Variants in TIAM2 observed in about 807,000 individuals in gnomAD.
TIAM2 encodes TIAM Rac1 associated GEF 2.
Under a neutral mutation model 152.9 loss-of-function variants are expected in TIAM2, and 80 were observed. That is an observed-to-expected ratio of 0.52 (90% confidence interval 0.44 to 0.63). The LOEUF is 0.63. TIAM2 is among the 30% of genes least tolerant of loss of function. The pLI, the probability that TIAM2 is intolerant of heterozygous loss-of-function variation, is 0.00. For synonymous variants in TIAM2, 804 were observed against 838.0 expected (o/e 0.96, Z 0.70); for missense variants, 1,965 against 2,120.1 (o/e 0.93, Z 1.44).
intron 1 of TIAM2, among the ~76,000 whole-genome samples, chr6:155,030,611 C>G (rs1314643293): frequency 2.6e-5 from 4 of 152,070 alleles, no homozygotes; most frequent in African/African-American, 4.8e-5. Context: ...GCTTGCCAAT[C>G]CATGATTTGA....
At chr6:155,055,194 C>T (rs17085896) in intron 1 of TIAM2, among the ~76,000 whole-genome samples, 35,627 of 151,948 alleles carry the variant, frequency 0.23, 4,247 homozygotes, top group African/African-American at 0.27. Flanking sequence ...TTCTGGGCCA[C>T]GTATATTTTC....
intron 16 of TIAM2, 85 bp from the exon 17 acceptor site, chr6:155,243,926 G>A: frequency 2.1e-6 from 2 of 963,346 alleles, no homozygotes; most frequent in African/African-American, 1.6e-5. Context: ...AGCCTTGGGA[G>A]CTGCTGCCAG....
intron 7 of TIAM2, among the ~76,000 whole-genome samples, chr6:155,158,623 C>T (rs925611694): frequency 2.6e-5 from 4 of 151,432 alleles, no homozygotes; most frequent in South Asian, 2.1e-4. Flanking sequence ...GGCCCTGTCT[C>T]GGCTCACTGC....
Position 155,028,329 on chromosome 6 carries a change from CATATA to C in TIAM2, c.-209+32843_-209+32847del, listed in dbSNP as rs1052871582. 6.5e-5 allele frequency among the ~76,000 whole-genome samples: 6 copies of C among 92,582 alleles called. 1 individual carries two copies. Among genetic ancestry groups the C allele is most frequent in the Non-Finnish European group, 1.2e-4 (6 of 50,648 alleles). 60.7% of individuals were successfully genotyped at this position (92,582 alleles called of 152,430 possible). Reference sequence around the variant, plus strand: ...TATGTACTGTGTTACATATATACTACATATAATATATACTGTGTTACATATATACT... The same window carrying C: ...TATGTACTGTGTTACATATATACTACATATATACTGTGTTACATATATACT... On this transcript the variant is annotated intron_variant, in intron 1 of 26. Transcript: ENST00000682666.
chr6:155,066,169 AAGGGCCTTTG>A, intron 1 of TIAM2, among the ~76,000 whole-genome samples: 1 of 39,922 alleles, frequency 2.5e-5, no homozygotes, highest in Non-Finnish European at 6.4e-5. Context: ...CCTGTTCCCA[AAGGGCCTTTG>A]GCCTCCCAAA....
Position 155,172,110 on chromosome 6 carries a change from T to C in TIAM2, c.2362-4706T>C, listed in dbSNP as rs554932597. On this transcript the variant is annotated intron_variant, in intron 9 of 26. Coordinates refer to ENST00000682666, the MANE Select transcript of TIAM2 (RefSeq NM_012454.4). ...ACATGTGGTTTCAGGACCATTGATG[T>C]AATAATAATAATAATAAATACTTCT... Among the ~76,000 whole-genome samples, 11 of 152,054 alleles carry C rather than the reference T, an allele frequency of 7.2e-5. No individual in the cohort carries two copies. In the South Asian group the frequency reaches 2.3e-3, roughly 32 times the overall value.
intron 1 of TIAM2, among the ~76,000 whole-genome samples, chr6:155,089,516 T>C (rs1778251571): frequency 6.6e-6 from 1 of 152,174 alleles, no homozygotes; most frequent in Non-Finnish European, 1.5e-5. Context: ...CTCATCTGTT[T>C]AATAAGTTAT....
chr6:155,059,099 G>A (rs1777511148), intron 1 of TIAM2, among the ~76,000 whole-genome samples: 2 of 152,212 alleles, frequency 1.3e-5, no homozygotes, highest in Middle Eastern at 3.4e-3. Context: ...ATACTATTTG[G>A]ACTTTCCCCA....
At chr6:155,024,823 G>A (rs1160837322) in intron 1 of TIAM2, among the ~76,000 whole-genome samples, 1 of 152,110 alleles carries the variant, frequency 6.6e-6, no homozygotes, top group Non-Finnish European at 1.5e-5. Flanking sequence ...TTCGAAATTA[G>A]GATCACAGCT....
chr6:155,018,579 A>G (rs1251396658), intron 1 of TIAM2, among the ~76,000 whole-genome samples: 1 of 151,132 alleles, frequency 6.6e-6, no homozygotes, highest in African/African-American at 2.4e-5. Context: ...AGGTTGTGCC[A>G]CTGCACTGCA....
intron 15 of TIAM2, among the ~76,000 whole-genome samples, chr6:155,230,234 C>T (rs1250912401): frequency 6.6e-6 from 1 of 152,246 alleles, no homozygotes; most frequent in Admixed American, 6.5e-5. Context: ...AAGTTCACCA[C>T]CTCATGCCCC....
chr6:155,090,836 T>G (rs1324977180), intron 2 of TIAM2, among the ~76,000 whole-genome samples: 1 of 152,144 alleles, frequency 6.6e-6, no homozygotes, highest in Non-Finnish European at 1.5e-5. Flanking sequence ...ACGGGGATTT[T>G]AGGAAGCCAC....
intron 1 of TIAM2, among the ~76,000 whole-genome samples, chr6:155,029,398 A>G (rs1776745318): frequency 9.7e-6 from 1 of 103,576 alleles, no homozygotes; most frequent in Admixed American, 1.6e-4. Flanking sequence ...TATATATACT[A>G]TAGTATATAT....
chr6:155,041,707 C>T (rs1777051395), intron 1 of TIAM2, among the ~76,000 whole-genome samples: 1 of 152,068 alleles, frequency 6.6e-6, no homozygotes, highest in African/African-American at 2.4e-5. Flanking sequence ...ACTCTTTAGC[C>T]CTAAGTTCTT....
At chr6:155,115,367 G>T (rs1178443655) in intron 2 of TIAM2, among the ~76,000 whole-genome samples, 1 of 151,996 alleles carries the variant, frequency 6.6e-6, no homozygotes, top group East Asian at 2.0e-4. Context: ...AAAATGGCCT[G>T]GTGTGGTGGC....
chr6:155,118,872 T>C lies in TIAM2; in HGVS notation c.-117-8618T>C, dbSNP rs567339723. On this transcript the variant is annotated intron_variant, in intron 2 of 26. Coordinates refer to ENST00000682666, the MANE Select transcript of TIAM2 (RefSeq NM_012454.4). ...CAGTGAATGTGTGTGCTTTTTTTTT[T>C]AATTTGTGCAGTGCAAAAGGATGAA... 2.6e-5 allele frequency among the ~76,000 whole-genome samples: 4 copies of C among 151,632 alleles called. No homozygotes were observed. In the South Asian group the frequency reaches 8.3e-4, roughly 32 times the overall value.
At chr6:155,199,606 C>G (rs1781433015) in intron 14 of TIAM2, among the ~76,000 whole-genome samples, 1 of 152,184 alleles carries the variant, frequency 6.6e-6, no homozygotes, top group South Asian at 2.1e-4. Flanking sequence ...TTCCTTCTCT[C>G]TCTGAAATTC....
At chr6:155,112,789 C>T (rs1778886813) in intron 2 of TIAM2, among the ~76,000 whole-genome samples, 1 of 152,168 alleles carries the variant, frequency 6.6e-6, no homozygotes, top group African/African-American at 2.4e-5. Context: ...TCCTTGGTGT[C>T]ACTCACACTT....
At chr6:155,037,180 T>A (rs1776938709) in intron 1 of TIAM2, among the ~76,000 whole-genome samples, 1 of 152,182 alleles carries the variant, frequency 6.6e-6, no homozygotes, top group Non-Finnish European at 1.5e-5. Flanking sequence ...AAATGTTCAA[T>A]GTAGGTAAAT....
Sources: gnomAD v4.1 joint callset for allele counts (sites outside exome capture counted in the v4.1 genomes callset) on GRCh38, gnomAD v4.1.1 for gene constraint, MANE v1.5 for transcripts, NCBI Gene and HGNC (gene_info 2026-07-23, HGNC 2026-07-21) for gene names.